Variants in ZBTB43 observed in about 807,000 individuals in gnomAD.
The protein encoded by ZBTB43 is zinc finger and BTB domain-containing protein 43.
Under a neutral mutation model 31.1 loss-of-function variants are expected in ZBTB43, and 6 were observed. The observed-to-expected ratio is 0.19, with a 90% CI of 0.11 to 0.38. The LOEUF is 0.38. ZBTB43 is among the 10% of genes least tolerant of loss of function. The probability of loss-of-function intolerance (pLI) is 1.00; values close to 1 mark genes in which losing one functional copy is unlikely to be tolerated. For synonymous variants in ZBTB43, 212 were observed against 221.7 expected (o/e 0.96, Z 0.39); for missense variants, 379 against 602.1 (o/e 0.63, Z 3.88).
chr9:126,828,405 G>A (rs186712285), intron 2 of ZBTB43, among the ~76,000 whole-genome samples: 1,803 of 151,612 alleles, frequency 0.012, 13 homozygotes, highest in Middle Eastern at 0.031. Flanking sequence ...GGATGGTCTC[G>A]ATCTCCTGAC....
chr9:126,823,325 T>G (rs563439252), intron 2 of ZBTB43, among the ~76,000 whole-genome samples: 5 of 152,260 alleles, frequency 3.3e-5, no homozygotes, highest in Admixed American at 1.3e-4. Flanking sequence ...TTGTTATATT[T>G]TCTTGATAGA....
intron 2 of ZBTB43, among the ~76,000 whole-genome samples, chr9:126,825,843 T>TA (rs2032620425): frequency 1.6e-4 from 2 of 12,618 alleles, no homozygotes; most frequent in South Asian, 3.2e-3. Flanking sequence ...CCTTTTTATA[T>TA]TTTTTTTTTT....
chr9:126,818,290 T>G (rs918563366), intron 2 of ZBTB43, among the ~76,000 whole-genome samples: 5 of 146,576 alleles, frequency 3.4e-5, no homozygotes, highest in African/African-American at 1.2e-4. Context: ...TCCTGGCTAA[T>G]TAAAAAATAT....
Position 126,833,658 on chromosome 9 carries a change from C to T in ZBTB43, c.1149C>T (p.His383=), listed in dbSNP as rs758975563. The T allele has an allele frequency of 4.3e-6, 7 of 1,613,330 alleles. No individual in the cohort carries two copies. The highest frequency in any genetic ancestry group is 3.3e-5 in the Admixed American group (2 of 59,998). The change falls in exon 3 of 3, where the codon CAC becomes CAT. Residue 383 remains histidine, a synonymous_variant. Coordinates refer to ENST00000373464, the MANE Select transcript of ZBTB43 (RefSeq NM_014007.4). This position sits in a 1 kb window ranked among gnomAD's most constrained non-coding sequence, Gnocchi z 7.9. ...YPCQCGKSFT[H]KSQRDRHMSM... ...GTCAGTGTGGGAAAAGTTTCACTCA[C>T]AAGAGTCAGAGAGATCGGCACATGA... is the stretch of plus-strand genomic sequence containing the variant.
At chr9:126,814,885 C>T (rs369879806) in intron 2 of ZBTB43, among the ~76,000 whole-genome samples, 22 of 151,398 alleles carry the variant, frequency 1.5e-4, no homozygotes, top group East Asian at 7.8e-4. Flanking sequence ...GGCCTTTCCG[C>T]CCCCTCCCCC....
At chr9:126,829,707 C>T (rs1198163767) in intron 2 of ZBTB43, among the ~76,000 whole-genome samples, 3 of 150,044 alleles carry the variant, frequency 2.0e-5, no homozygotes, top group Non-Finnish European at 3.0e-5. Flanking sequence ...TTTTTTTTTA[C>T]ACCTTTCTAT....
At position 126,810,557 on chromosome 9, in the gene ZBTB43, G is replaced by A. The variant is rs1239544636; in HGVS notation, c.-24+1642G>A. The stretch of plus-strand genomic sequence containing the variant: ...CGCTCTGTCACACAGGCTGGAGCGC[G>A]TGGCGAGATCTTGGCTCACTGCGAC... On this transcript the variant is annotated intron_variant, in intron 2 of 2. Coordinates refer to ENST00000373464, the MANE Select transcript of ZBTB43 (RefSeq NM_014007.4). 5.0e-5 allele frequency among the ~76,000 whole-genome samples: 7 copies of A among 140,990 alleles called. No homozygotes were observed. The East Asian group carries it at 6.7e-4, about 13-fold the overall frequency. The allele number at this position is 140,990 out of a possible 152,430, so 92.5% of individuals were successfully genotyped here.
At position 126,837,318 on chromosome 9, in the gene ZBTB43, T is replaced by C. The variant is rs2032902846; in HGVS notation, c.*3405T>C. The stretch of plus-strand genomic sequence containing the variant: ...TCTTCCTCTGGTCCCTTTTGGCCAC[T>C]ACTTTAAAAGCTTGCCCAAAGGGAT... On this transcript the variant is annotated 3_prime_UTR_variant, in exon 3 of 3. Transcript: ENST00000373464. 1 of 167,080 alleles carries C rather than the reference T, an allele frequency of 6.0e-6. No homozygotes were observed. Among genetic ancestry groups the C allele is most frequent in the Admixed American group, 6.5e-5 (1 of 15,284 alleles). 10.3% of individuals were successfully genotyped at this position (167,080 alleles called of 1,614,324 possible).
Position 126,832,618 on chromosome 9 carries a change from A to G in ZBTB43, c.109A>G (p.Ile37Val), listed in dbSNP as rs1296941920. ...RQQGQLCDVSIVVQGHIFRAH... is the reference protein window; with the variant it reads ...RQQGQLCDVSVVVQGHIFRAH... ...GCAAGGACAATTATGTGACGTCTCC[A>G]TTGTTGTCCAAGGCCACATTTTCCG... is the stretch of plus-strand genomic sequence containing the variant. The change falls in exon 3 of 3, where the codon ATT (isoleucine) becomes GTT (valine). Residue 37 changes from isoleucine to valine, a missense_variant. Ile to Val is a conservative substitution (Grantham distance 29, BLOSUM62 3). Around this residue, in one of 5 missense-constraint regions of ZBTB43, gnomAD observed 79 missense variants for 134.4 expected, o/e 0.59. Transcript: ENST00000373464. 35 of 1,614,008 alleles carry G rather than the reference A, an allele frequency of 2.2e-5. No homozygotes were observed. Among genetic ancestry groups the G allele is most frequent in the Non-Finnish European group, 2.9e-5 (34 of 1,180,040 alleles).
chr9:126,830,193 G>A (rs1191467379), intron 2 of ZBTB43, among the ~76,000 whole-genome samples: 2 of 152,168 alleles, frequency 1.3e-5, no homozygotes, highest in African/African-American at 4.8e-5. Flanking sequence ...CCCTACATTT[G>A]CAGAGTAATT....
chr9:126,832,368 T>G, intron 2 of ZBTB43, 119 bp from the exon 3 acceptor site: 1 of 920,724 alleles, frequency 1.1e-6, no homozygotes, highest in Non-Finnish European at 1.6e-6. Context: ...CCTTACCCAG[T>G]GGGGCCCATA....
Position 126,837,409 on chromosome 9 carries a change from G to A in ZBTB43, c.*3496G>A, listed in dbSNP as rs1001468258. The A allele has an allele frequency of 2.4e-5, 4 of 167,178 alleles. No individual in the cohort carries two copies. The highest frequency in any genetic ancestry group is 5.9e-5 in the Non-Finnish European group (4 of 68,182). 10.4% of individuals were successfully genotyped at this position (167,178 alleles called of 1,614,324 possible). On this transcript the variant is annotated 3_prime_UTR_variant, in exon 3 of 3. Transcript: ENST00000373464. The stretch of plus-strand genomic sequence containing the variant: ...CTAAGGCTGGCTTCTAACCACCGGG[G>A]AAAGCTGCTTAGCCTCCAGGGCTCC...
chr9:126,822,342 G>A (rs1031679580), intron 2 of ZBTB43, among the ~76,000 whole-genome samples: 1 of 152,162 alleles, frequency 6.6e-6, no homozygotes, highest in Non-Finnish European at 1.5e-5. Context: ...CAAATGTTGT[G>A]AAAGAAGTTC....
chr9:126,823,358 T>C (rs554822391), intron 2 of ZBTB43, among the ~76,000 whole-genome samples: 2 of 152,354 alleles, frequency 1.3e-5, no homozygotes, highest in East Asian at 3.9e-4. Context: ...ACTCAACATA[T>C]AATTCTTTGT....
intron 2 of ZBTB43, among the ~76,000 whole-genome samples, chr9:126,815,881 T>C (rs2032375423): frequency 6.6e-6 from 1 of 152,072 alleles, no homozygotes; most frequent in African/African-American, 2.4e-5. Flanking sequence ...ATGTCAGATA[T>C]GAGTTTTACC....
rs1223468690 is a variant in ZBTB43, at chr9:126,832,520, G to A, written c.11G>A (p.Gly4Glu). The stretch of plus-strand genomic sequence containing the variant: ...AAGATTTGTGATGAAATGGAGCCTG[G>A]AACAAACTCTTTTCGGGTAGAATTT... MEP[G>E]TNSFRVEFPD... is the part of the protein sequence containing the mutation. Residue 4 changes from glycine (G) to glutamate (E), a missense_variant, in exon 3 of 3, where the codon GGA (glycine) becomes GAA (glutamate). Gly to Glu is a moderately conservative substitution (Grantham distance 98). Coordinates refer to ENST00000373464, the MANE Select transcript of ZBTB43 (RefSeq NM_014007.4). 3 of 1,605,560 alleles carry A rather than the reference G, an allele frequency of 1.9e-6. No homozygotes were observed. Among genetic ancestry groups the A allele is most frequent in the Middle Eastern group, 1.7e-4 (1 of 6,036 alleles).
At chr9:126,828,245 G>A (rs147974252) in intron 2 of ZBTB43, among the ~76,000 whole-genome samples, 4,881 of 151,248 alleles carry the variant, frequency 0.032, 243 homozygotes, top group African/African-American at 0.11. Context: ...GTGCAGTGGC[G>A]CGATCTCGGC....
In ZBTB43 at chr9:126,833,538, C is replaced by T. The variant is rs576264052; in HGVS notation, c.1029C>T (p.Leu343=). ...TTGGGCACAGACAGGAGGCTGCCCT[C>T]GCAGCAGGTTACAGTGAGAATATTG... ...NLIGHRQEAA[L]AAGYSENIEM... The change falls in exon 3 of 3, where the codon CTC becomes CTT. Residue 343 remains leucine, a synonymous_variant. Coordinates refer to ENST00000373464, the MANE Select transcript of ZBTB43 (RefSeq NM_014007.4). The surrounding 1 kb of genome is among the most constrained non-coding windows in gnomAD (Gnocchi z 7.9). The T allele has an allele frequency of 9.9e-6, 16 of 1,614,050 alleles. No homozygotes were observed. In the East Asian group the frequency reaches 1.3e-4, roughly 13 times the overall value.
chr9:126,826,444 G>C (rs1368073445), intron 2 of ZBTB43, among the ~76,000 whole-genome samples: 1 of 118,680 alleles, frequency 8.4e-6, no homozygotes, highest in Non-Finnish European at 1.7e-5. Context: ...ACCACTCCTG[G>C]CCCCCCCGCC....
Sources: gnomAD v4.1 joint callset for allele counts (sites outside exome capture counted in the v4.1 genomes callset) on GRCh38, gnomAD v4.1.1 for gene constraint, gnomAD v4.1.1 regional missense constraint, Gnocchi (gnomAD v3.1) non-coding constraint, MANE v1.5 for transcripts, NCBI Gene and HGNC (gene_info 2026-07-23, HGNC 2026-07-21) for gene names.